NR2F1-AS1: variants seen among roughly 807,000 people sequenced by gnomAD.
NR2F1-AS1 encodes the protein NR2F1 regulatory antisense RNA 1.
upstream of NR2F1-AS1, chr5:93,585,103 C>T: frequency 2.0e-6 from 2 of 992,638 alleles, no homozygotes; most frequent in Non-Finnish European, 1.2e-6. Flanking sequence ...AACCCCGCAG[C>T]GCAGGCGGCC....
chr5:93,458,757 C>T (rs1750009308), intron 4 of NR2F1-AS1, among the ~76,000 whole-genome samples: 2 of 152,114 alleles, frequency 1.3e-5, no homozygotes, highest in Admixed American at 1.3e-4. Flanking sequence ...TGCCTGTAAT[C>T]CCAGTACTTT....
intron 2 of NR2F1-AS1, among the ~76,000 whole-genome samples, chr5:93,563,044 G>C (rs1752530594): frequency 6.6e-6 from 1 of 152,200 alleles, no homozygotes; most frequent in Non-Finnish European, 1.5e-5. Flanking sequence ...TGTACTGGCT[G>C]TGTCAATGGA....
chr5:93,577,229 A>T (rs538608418), intron 1 of NR2F1-AS1, among the ~76,000 whole-genome samples: 1 of 152,354 alleles, frequency 6.6e-6, no homozygotes, highest in South Asian at 2.1e-4. Context: ...CTCTTTTTCA[A>T]AACACGTGCT....
In NR2F1-AS1 at chr5:93,491,445, AC is replaced by A. The variant is rs573306503; in HGVS notation, n.638+62315del. ...GTGATAACAGAATGAAGTTCTGGAA[AC>A]CAAAATTTTTTTTTAAATGAACTGT... is the stretch of plus-strand genomic sequence containing the variant. On this transcript the variant is annotated intron_variant and non_coding_transcript_variant, in intron 4 of 5. Transcript: ENST00000660523. Among the ~76,000 whole-genome samples the A allele has an allele frequency of 2.6e-3, 403 of 152,124 alleles. 1 individual carries two copies. The highest frequency in any genetic ancestry group is 4.3e-3 in the Non-Finnish European group (291 of 67,978).
At chr5:93,513,914 A>T (rs1751350590) in intron 4 of NR2F1-AS1, among the ~76,000 whole-genome samples, 1 of 152,158 alleles carries the variant, frequency 6.6e-6, no homozygotes, top group Admixed American at 6.6e-5. Context: ...GCACATGGGA[A>T]GATTCAAGCT....
At chr5:93,513,898 T>C (rs755556677) in intron 4 of NR2F1-AS1, among the ~76,000 whole-genome samples, 1 of 152,126 alleles carries the variant, frequency 6.6e-6, no homozygotes, top group Non-Finnish European at 1.5e-5. Flanking sequence ...ATAAGTACTA[T>C]TTTTAGCACA....
intron 4 of NR2F1-AS1, among the ~76,000 whole-genome samples, chr5:93,524,119 G>A (rs1471016242): frequency 6.6e-6 from 1 of 151,968 alleles, no homozygotes; most frequent in South Asian, 2.1e-4. Flanking sequence ...AAAAAGGTAA[G>A]ACGAATTGCT....
intron 1 of NR2F1-AS1, among the ~76,000 whole-genome samples, chr5:93,571,703 A>C (rs1397013734): frequency 6.6e-6 from 1 of 152,002 alleles, no homozygotes; most frequent in East Asian, 1.9e-4. Context: ...ATAGACGGTG[A>C]TTGGAGTCGT....
chr5:93,546,923 T>A (rs528587142), intron 4 of NR2F1-AS1, among the ~76,000 whole-genome samples: 2 of 152,310 alleles, frequency 1.3e-5, no homozygotes, highest in South Asian at 4.1e-4. Context: ...GTAAAAGAGA[T>A]TAACTTTTAA....
chr5:93,450,332 TAA>T (rs1180571857), intron 4 of NR2F1-AS1, among the ~76,000 whole-genome samples: 1 of 152,216 alleles, frequency 6.6e-6, no homozygotes, highest in East Asian at 1.9e-4. Flanking sequence ...GTTTATTTTA[TAA>T]GAGTTTAGTT....
At chr5:93,549,767 T>G (rs1218068229) in intron 4 of NR2F1-AS1, among the ~76,000 whole-genome samples, 1 of 152,092 alleles carries the variant, frequency 6.6e-6, no homozygotes, top group African/African-American at 2.4e-5. Context: ...ATATACACCA[T>G]GGAATACTAT....
At chr5:93,574,350 G>T (rs73135308) in intron 1 of NR2F1-AS1, among the ~76,000 whole-genome samples, 3,189 of 152,170 alleles carry the variant, frequency 0.021, 128 homozygotes, top group African/African-American at 0.073. Flanking sequence ...AGTAACCGGA[G>T]AAAACTGCTC....
chr5:93,430,144 G>A (rs979341532), intron 4 of NR2F1-AS1, among the ~76,000 whole-genome samples: 30 of 152,180 alleles, frequency 2.0e-4, no homozygotes, highest in African/African-American at 7.0e-4. Context: ...AGCCACAATA[G>A]CAGACTGTGT....
At chr5:93,459,507 AGTTT>A (rs1339140982) in intron 4 of NR2F1-AS1, among the ~76,000 whole-genome samples, 2 of 152,196 alleles carry the variant, frequency 1.3e-5, no homozygotes, top group Admixed American at 1.3e-4. Flanking sequence ...TTAATAAAAT[AGTTT>A]GTTTATTTAA....
chr5:93,554,897 G>A (rs115884866), exon 3 of NR2F1-AS1: 87 of 152,240 alleles, frequency 5.7e-4, no homozygotes, highest in African/African-American at 2.0e-3. Flanking sequence ...CTACCATAAG[G>A]ATGCAGCTCT....
intron 4 of NR2F1-AS1, among the ~76,000 whole-genome samples, chr5:93,522,262 T>C (rs926935742): frequency 1.3e-5 from 2 of 152,120 alleles, no homozygotes; most frequent in South Asian, 4.1e-4. Context: ...GGTATTGGAC[T>C]TAATATCTGG....
intron 4 of NR2F1-AS1, among the ~76,000 whole-genome samples, chr5:93,466,814 T>C (rs1168583421): frequency 6.6e-6 from 1 of 150,842 alleles, no homozygotes. Context: ...AAAGCCATTC[T>C]CTTTCACCTC....
chr5:93,515,090 C>A (rs1280368181), intron 4 of NR2F1-AS1, among the ~76,000 whole-genome samples: 25 of 151,956 alleles, frequency 1.6e-4, no homozygotes, highest in Non-Finnish European at 1.5e-5. Context: ...ACTTTTCAAG[C>A]AAAGAAACAC....
chr5:93,517,523 CAG>C (rs767655849), intron 4 of NR2F1-AS1, among the ~76,000 whole-genome samples: 2 of 151,824 alleles, frequency 1.3e-5, no homozygotes, highest in Non-Finnish European at 2.9e-5. Context: ...TTGTATGTCT[CAG>C]AGTATAATCA....
Sources: gnomAD v4.1 joint callset for allele counts (sites outside exome capture counted in the v4.1 genomes callset) on GRCh38, gnomAD v4.1.1 for gene constraint, MANE v1.5 for transcripts, NCBI Gene and HGNC (gene_info 2026-07-23, HGNC 2026-07-21) for gene names.